SPECC1L: variants seen among roughly 807,000 people sequenced by gnomAD.
SPECC1L encodes sperm antigen with calponin homology and coiled-coil domains 1 like.
In SPECC1L, 40 loss-of-function variants were observed where a neutral mutation model predicts 116.8. The ratio of observed to expected loss-of-function variants is 0.34; its 90% CI spans 0.27 to 0.45. SPECC1L has a LOEUF of 0.45. Ranked by LOEUF, SPECC1L falls within the 20% of genes least tolerant of loss-of-function variation. The probability of loss-of-function intolerance (pLI) is 1.00; values close to 1 mark genes in which losing one functional copy is unlikely to be tolerated. For synonymous variants in SPECC1L, 504 were observed against 500.6 expected, an observed-to-expected ratio of 1.01 and a Z score of -0.09; for missense variants, 1,110 against 1,373.6, an observed-to-expected ratio of 0.81 and a Z score of 3.03.
chr22:24,322,375 C>T lies in SPECC1L; in HGVS notation c.1395C>T (p.Tyr465=), dbSNP rs776109901. 9.3e-6 allele frequency: 15 copies of T among 1,614,098 alleles called. No homozygotes were observed. In the Admixed American group the frequency reaches 2.5e-4, roughly 27 times the overall value. ...AACACTTTAGTCGACAGATTGAATACTTCCGCTCTCTTCTAGATGAGCATC... is the reference window on the plus strand; with the variant it reads ...AACACTTTAGTCGACAGATTGAATATTTCCGCTCTCTTCTAGATGAGCATC... ...KLEHFSRQIE[Y]FRSLLDEHHI... Residue 465 remains tyrosine (Y), a synonymous_variant, in exon 5 of 17, where the codon TAC becomes TAT. Coordinates refer to ENST00000314328, the MANE Select transcript of SPECC1L (RefSeq NM_015330.6).
intron 11 of SPECC1L, among the ~76,000 whole-genome samples, chr22:24,348,013 A>G (rs1224434697): frequency 2.0e-5 from 3 of 152,096 alleles, no homozygotes; most frequent in Non-Finnish European, 4.4e-5. Flanking sequence ...TGGCACCAGA[A>G]CCCAAGTATC....
At chr22:24,307,160 G>A (rs1040957551) in intron 3 of SPECC1L, among the ~76,000 whole-genome samples, 3 of 152,162 alleles carry the variant, frequency 2.0e-5, no homozygotes, top group African/African-American at 7.2e-5. Flanking sequence ...TTTGGGGGGG[G>A]TATATACCCG....
At chr22:24,335,489 T>G (rs1310139906) in intron 9 of SPECC1L, among the ~76,000 whole-genome samples, 4 of 152,208 alleles carry the variant, frequency 2.6e-5, no homozygotes, top group Non-Finnish European at 5.9e-5. Context: ...CACTTTCAAA[T>G]GACTGACTTG....
chr22:24,296,861 G>C (rs74592043), intron 2 of SPECC1L, among the ~76,000 whole-genome samples: 1 of 152,150 alleles, frequency 6.6e-6, no homozygotes, highest in Non-Finnish European at 1.5e-5. Flanking sequence ...TTATTTAATA[G>C]GTAGGGCCCA....
chr22:24,374,383 G>C (rs188240093), intron 14 of SPECC1L, among the ~76,000 whole-genome samples: 3 of 151,920 alleles, frequency 2.0e-5, no homozygotes, highest in Admixed American at 6.6e-5. Context: ...AAATGCCCAA[G>C]AATGATAGAC....
intron 11 of SPECC1L, among the ~76,000 whole-genome samples, chr22:24,359,372 G>T (rs894602859): frequency 6.6e-5 from 10 of 152,118 alleles, no homozygotes; most frequent in African/African-American, 2.4e-4. Context: ...CTCTCTCATT[G>T]CCTGGTCCAC....
intron 11 of SPECC1L, among the ~76,000 whole-genome samples, 196 bp downstream of exon 11, chr22:24,347,372 G>A (rs1383105180): frequency 1.3e-5 from 2 of 152,138 alleles, no homozygotes; most frequent in Non-Finnish European, 2.9e-5. Context: ...CATCTTTCCT[G>A]ACAGCTGTCA....
At chr22:24,335,905 ACT>A (rs1052008798) in intron 9 of SPECC1L, among the ~76,000 whole-genome samples, 3 of 151,880 alleles carry the variant, frequency 2.0e-5, no homozygotes. Context: ...ATCTTTACAG[ACT>A]CTGAAGTTGT....
rs1379635613 is a variant in SPECC1L, at chr22:24,417,711, G to A, written c.*3088G>A. 2 of 152,226 alleles carry A rather than the reference G, an allele frequency of 1.3e-5. No individual in the cohort carries two copies. The highest frequency in any genetic ancestry group is 2.9e-5 in the Non-Finnish European group (2 of 68,046). 9.4% of individuals were successfully genotyped at this position (152,226 alleles called of 1,614,324 possible). ...AAAGAAAAAAGGTATCCTACCCAGA[G>A]GCAACCAGATAAACTTTTTTGCCTG... On this transcript the variant is annotated 3_prime_UTR_variant, in exon 17 of 17. Coordinates refer to ENST00000314328, the MANE Select transcript of SPECC1L (RefSeq NM_015330.6).
Position 24,414,660 on chromosome 22 carries a change from C to T in SPECC1L, c.*37C>T, listed in dbSNP as rs781150167. 6.3e-6 allele frequency: 10 copies of T among 1,586,520 alleles called. No homozygotes were observed. In the South Asian group the frequency reaches 8.8e-5, roughly 14 times the overall value. Reference sequence around the variant, plus strand: ...GGAGCCGCCCCAATAGCGGGGGTACCCCTCCACAGCGACCGAGCGACACCG... The same window carrying T: ...GGAGCCGCCCCAATAGCGGGGGTACTCCTCCACAGCGACCGAGCGACACCG... On this transcript the variant is annotated 3_prime_UTR_variant, in exon 17 of 17. Transcript: ENST00000314328.
At chr22:24,304,387 T>C (rs1051533439) in intron 3 of SPECC1L, 6 of 152,260 alleles carry the variant, frequency 3.9e-5, no homozygotes, top group African/African-American at 1.2e-4. Context: ...GAAGGACTCT[T>C]TTGATCCAGG....
intron 2 of SPECC1L, among the ~76,000 whole-genome samples, chr22:24,290,562 T>G (rs937919462): frequency 2.0e-5 from 3 of 152,252 alleles, no homozygotes; most frequent in Admixed American, 1.3e-4. Context: ...AGTACTGGAC[T>G]TCTGTCTGGA....
intron 13 of SPECC1L, among the ~76,000 whole-genome samples, chr22:24,366,067 G>A (rs2041758280): frequency 6.6e-6 from 1 of 152,004 alleles, no homozygotes; most frequent in African/African-American, 2.4e-5. Flanking sequence ...TATGGAGGGG[G>A]ATGCTGTAGG....
At chr22:24,274,957 A>T (rs1192793909) in intron 1 of SPECC1L, among the ~76,000 whole-genome samples, 1 of 152,000 alleles carries the variant, frequency 6.6e-6, no homozygotes, top group Non-Finnish European at 1.5e-5. Context: ...ACTTCATCTG[A>T]TCATTGCCTT....
chr22:24,379,515 A>G (rs1314930975), intron 14 of SPECC1L, among the ~76,000 whole-genome samples: 1 of 152,212 alleles, frequency 6.6e-6, no homozygotes, highest in Non-Finnish European at 1.5e-5. Flanking sequence ...GTTTACCTTA[A>G]TATATAGAGA....
rs528023914 is a variant in SPECC1L, at chr22:24,328,913, A to G, written c.2214A>G (p.Arg738=). 3.1e-6 allele frequency: 5 copies of G among 1,612,698 alleles called. No homozygotes were observed. The South Asian group carries it at 5.5e-5, about 18-fold the overall frequency. ...MEREIKTLHR[R]LREESAEWRQ... ...GAGAAATAAAGACACTCCACAGAAG[A>G]CTTCGGGTAGGATAAATCTTCATGT... Residue 738 remains arginine (R), a synonymous_variant, in exon 7 of 17, where the codon AGA becomes AGG. Transcript: ENST00000314328.
intron 9 of SPECC1L, among the ~76,000 whole-genome samples, chr22:24,337,771 C>G (rs559981094): frequency 2.6e-5 from 4 of 151,960 alleles, no homozygotes; most frequent in African/African-American, 9.7e-5. Context: ...CAGCCTTTAC[C>G]AGAATCTGTG....
At chr22:24,323,788 G>C (rs981560280) in intron 5 of SPECC1L, among the ~76,000 whole-genome samples, 1 of 152,196 alleles carries the variant, frequency 6.6e-6, no homozygotes, top group Non-Finnish European at 1.5e-5. Flanking sequence ...AGAGGCTACT[G>C]TGAACTAATA....
At chr22:24,412,183 G>A (rs2146822635) in intron 15 of SPECC1L, 1 of 346,726 alleles carries the variant, frequency 2.9e-6, no homozygotes, top group African/African-American at 2.1e-5. Flanking sequence ...AGTTCCTTGG[G>A]GACAGGGTCA....
Sources: allele counts gnomAD v4.1 joint callset (sites outside exome capture counted in the v4.1 genomes callset), GRCh38; gene constraint gnomAD v4.1.1; transcripts MANE v1.5; gene names NCBI Gene and HGNC (gene_info 2026-07-23, HGNC 2026-07-21).